The following MPRIP variants were observed in gnomAD, a reference collection of about 807,000 sequenced individuals.
The protein encoded by MPRIP is myosin phosphatase Rho interacting protein.
MPRIP carries 59 observed loss-of-function variants against 234.9 expected under a neutral mutation model. The ratio of observed to expected loss-of-function variants is 0.25; its 90% CI spans 0.20 to 0.31. The LOEUF is 0.31. Among genes scored for constraint, MPRIP ranks in the 10% least tolerant of loss-of-function variants. The probability of loss-of-function intolerance (pLI) is 1.00; values close to 1 mark genes in which losing one functional copy is unlikely to be tolerated. For missense variants in MPRIP, 2,436 were observed against 3,071.0 expected, an observed-to-expected ratio of 0.79 and a Z score of 4.89; for synonymous variants, 1,144 against 1,263.9, an observed-to-expected ratio of 0.91 and a Z score of 2.01.
chr17:17,170,714 G>C (rs895683682), intron 16 of MPRIP: 2 of 152,236 alleles, frequency 1.3e-5, no homozygotes, highest in African/African-American at 4.8e-5. Flanking sequence ...TTAAAACTCA[G>C]CGAGAGGCCC....
intron 4 of MPRIP, among the ~76,000 whole-genome samples, chr17:17,128,665 T>C (rs1036888807): frequency 6.6e-5 from 10 of 152,184 alleles, no homozygotes; most frequent in Admixed American, 6.5e-5. Context: ...GCCCTGGTTG[T>C]GGGCCACGTT....
chr17:17,167,140 A>G lies in MPRIP; in HGVS notation c.5549A>G (p.Tyr1850Cys). Residue 1850 changes from tyrosine (Y) to cysteine (C), a missense_variant, in exon 16 of 24, where the codon TAT (tyrosine) becomes TGT (cysteine). Physicochemically the swap from Tyr to Cys is radical, Grantham distance 194 (BLOSUM62 -2). Coordinates refer to ENST00000651222, the MANE Select transcript of MPRIP (RefSeq NM_001364716.4). This position sits in a 1 kb window ranked among gnomAD's most constrained non-coding sequence, Gnocchi z 5.9. Reference sequence around the variant, plus strand: ...GCCATTATTCAGGCCCAGGTTTGCTATGCGTCCTGCAGAATCCGGCTAGAA... The same window carrying G: ...GCCATTATTCAGGCCCAGGTTTGCTGTGCGTCCTGCAGAATCCGGCTAGAA... Reference protein sequence around the residue: ...QDAIIQAQVCYASCRIRLEYE... With the variant: ...QDAIIQAQVCCASCRIRLEYE... The G allele has an allele frequency of 4.6e-6, 6 of 1,304,154 alleles. No homozygotes were observed. The highest frequency in any genetic ancestry group is 5.1e-6 in the Non-Finnish European group (5 of 988,946). The allele number at this position is 1,304,154 out of a possible 1,614,324, so 80.8% of individuals were successfully genotyped here.
chr17:17,117,167 A>G (rs971245188), intron 3 of MPRIP, among the ~76,000 whole-genome samples: 2 of 152,198 alleles, frequency 1.3e-5, no homozygotes, highest in Non-Finnish European at 1.5e-5. Context: ...TGTTGAACCC[A>G]TCGTCTTCTG....
At chr17:17,071,795 A>G (rs1001144349) in intron 1 of MPRIP, among the ~76,000 whole-genome samples, 3 of 152,128 alleles carry the variant, frequency 2.0e-5, no homozygotes, top group Admixed American at 1.3e-4. Context: ...GAGGACCTGC[A>G]TAGAAAGGGG....
At chr17:17,105,684 T>TTTC (rs1403043444) in intron 3 of MPRIP, among the ~76,000 whole-genome samples, 1 of 152,142 alleles carries the variant, frequency 6.6e-6, no homozygotes, top group Non-Finnish European at 1.5e-5. Flanking sequence ...ATGAGATACT[T>TTTC]TTCAGTGAGG....
intron 1 of MPRIP, among the ~76,000 whole-genome samples, chr17:17,051,170 G>C (rs557895033): frequency 6.6e-6 from 1 of 152,348 alleles, no homozygotes; most frequent in South Asian, 2.1e-4. Flanking sequence ...GCTGGCTGCC[G>C]CCTCTGGGGG....
At position 17,164,465 on chromosome 17, in the gene MPRIP, G is replaced by T. The variant is rs2045938927; in HGVS notation, c.2874G>T (p.Lys958Asn). The change falls in exon 16 of 24, where the codon AAG becomes AAT. Residue 958 changes from lysine to asparagine, a missense_variant. Lys to Asn is a moderately conservative substitution (Grantham distance 94). Around this residue, in one of 4 missense-constraint regions of MPRIP, gnomAD observed 1,998 missense variants for 2,520.3 expected, o/e 0.79. Coordinates refer to ENST00000651222, the MANE Select transcript of MPRIP (RefSeq NM_001364716.4). The part of the protein sequence containing the change: ...LSSQLRASEQ[K>N]LKSAEALLLE... ...GCCAGCTGAGGGCTAGCGAGCAGAAGCTCAAGAGTGCTGAGGCCCTGCTGC... is the reference window on the plus strand; with the variant it reads ...GCCAGCTGAGGGCTAGCGAGCAGAATCTCAAGAGTGCTGAGGCCCTGCTGC... 1.6e-6 allele frequency: 2 copies of T among 1,231,376 alleles called. No homozygotes were observed. Among genetic ancestry groups the T allele is most frequent in the African/African-American group, 1.6e-5 (1 of 63,884 alleles). 76.3% of individuals were successfully genotyped at this position (1,231,376 alleles called of 1,614,324 possible). A position where few individuals can be genotyped will look rare whatever the true frequency, so the allele number is the denominator to read the frequency against.
intron 23 of MPRIP, chr17:17,180,495 T>G: frequency 2.1e-6 from 2 of 958,172 alleles, no homozygotes; most frequent in Non-Finnish European, 3.4e-6. Flanking sequence ...CAGTACATCT[T>G]TAGTGTGCTG....
chr17:17,165,799 G>A lies in MPRIP; in HGVS notation c.4208G>A (p.Arg1403Lys), dbSNP rs1383399686. ...GAAAAGCTCAAAGACGTGACCGTGA[G>A]GCTGGAGAGCCAGCAGGGTCAGAGC... Reference protein sequence around the residue: ...TEEKLKDVTVRLESQQGQSRE... With the variant: ...TEEKLKDVTVKLESQQGQSRE... Residue 1403 changes from arginine to lysine, a missense_variant, in exon 16 of 24, where the codon AGG (arginine) becomes AAG (lysine). This residue lies in a region of MPRIP where 1,998 missense variants were observed against 2,520.3 expected (regional missense o/e 0.79). Transcript: ENST00000651222. 2 of 1,304,274 alleles carry A rather than the reference G, an allele frequency of 1.5e-6. No homozygotes were observed. The highest frequency in any genetic ancestry group is 1.0e-6 in the Non-Finnish European group (1 of 988,908). The allele number at this position is 1,304,274 out of a possible 1,614,324, so 80.8% of individuals were successfully genotyped here.
intron 1 of MPRIP, among the ~76,000 whole-genome samples, chr17:17,052,698 G>A (rs757398120): frequency 3.9e-5 from 6 of 152,166 alleles, no homozygotes; most frequent in South Asian, 4.1e-4. Flanking sequence ...GCAGGGCATC[G>A]CCCAGATCTT....
chr17:17,136,147 A>T, intron 5 of MPRIP, 72 bp from the exon 6 acceptor site: 2 of 1,566,432 alleles, frequency 1.3e-6, no homozygotes, highest in Non-Finnish European at 1.8e-6. Context: ...ATAGCTAGGC[A>T]GCCAGGACCT....
At chr17:17,146,183 G>A in intron 10 of MPRIP, 91 bp downstream of exon 10, 1 of 1,164,330 alleles carries the variant, frequency 8.6e-7, no homozygotes, top group Non-Finnish European at 1.3e-6. Context: ...GCAAGTGCTG[G>A]CTCCATGCCT....
At chr17:17,182,446 G>A (rs1352607612) in intron 23 of MPRIP, 1 of 152,024 alleles carries the variant, frequency 6.6e-6, no homozygotes, top group Non-Finnish European at 1.5e-5. Context: ...AGCTCAGTAT[G>A]TGGGGCTACA....
rs2046277162 is a variant in MPRIP, at chr17:17,177,345, G to A, written c.7053G>A (p.Glu2351=). 6.2e-7 allele frequency: 1 copy of A among 1,613,954 alleles called. No homozygotes were observed. The highest frequency in any genetic ancestry group is 8.5e-7 in the Non-Finnish European group (1 of 1,180,034). The change falls in exon 22 of 24, where the codon GAG becomes GAA. Residue 2351 remains glutamate (E), a synonymous_variant. Transcript: ENST00000651222. ...ACTGTGACATCAGCAGGTTGAAGGAGCAGCTCAAGGCTGCAACGGAAGCAC... is the reference window on the plus strand; with the variant it reads ...ACTGTGACATCAGCAGGTTGAAGGAACAGCTCAAGGCTGCAACGGAAGCAC... ...KADCDISRLK[E]QLKAATEALG...
chr17:17,057,778 G>T, intron 1 of MPRIP: 1 of 708,114 alleles, frequency 1.4e-6, no homozygotes. Context: ...TACACCCGAG[G>T]TGGCCCCTGA....
chr17:17,148,557 C>A (rs1028157576), intron 11 of MPRIP, among the ~76,000 whole-genome samples: 1 of 152,128 alleles, frequency 6.6e-6, no homozygotes, highest in Admixed American at 6.5e-5. Context: ...GCAGAAGTTA[C>A]TAATTTTATG....
chr17:17,068,917 T>C (rs1381847069), intron 1 of MPRIP, among the ~76,000 whole-genome samples: 1 of 152,232 alleles, frequency 6.6e-6, no homozygotes, highest in Non-Finnish European at 1.5e-5. Flanking sequence ...GTTCTTGAGA[T>C]AGAAGCTTAG....
intron 3 of MPRIP, among the ~76,000 whole-genome samples, chr17:17,117,255 C>T (rs917466493): frequency 6.6e-6 from 1 of 152,240 alleles, no homozygotes; most frequent in African/African-American, 2.4e-5. Flanking sequence ...CATCCCGAGC[C>T]TGAGCTCGAG....
chr17:17,042,832 T>C lies in MPRIP; in HGVS notation c.-17T>C, dbSNP rs779512475. 6.9e-5 allele frequency: 101 copies of C among 1,459,196 alleles called. No homozygotes were observed. Among genetic ancestry groups the C allele is most frequent in the East Asian group, 2.2e-4 (7 of 31,112 alleles). The allele number at this position is 1,459,196 out of a possible 1,614,324, so 90.4% of individuals were successfully genotyped here. A position where few individuals can be genotyped will look rare whatever the true frequency, so the allele number is the denominator to read the frequency against. On this transcript the variant is annotated 5_prime_UTR_variant, in exon 1 of 24. Transcript: ENST00000651222. Reference sequence around the variant, plus strand: ...GCCTGCGCCGCCGCCGCCGCCGCCGTCGCCGCCGCGCCGACCATGTCGGCA... The same window carrying C: ...GCCTGCGCCGCCGCCGCCGCCGCCGCCGCCGCCGCGCCGACCATGTCGGCA...
Sources: gnomAD v4.1 joint callset for allele counts (sites outside exome capture counted in the v4.1 genomes callset) on GRCh38, gnomAD v4.1.1 for gene constraint, gnomAD v4.1.1 regional missense constraint, Gnocchi (gnomAD v3.1) non-coding constraint, MANE v1.5 for transcripts, NCBI Gene and HGNC (gene_info 2026-07-23, HGNC 2026-07-21) for gene names.